The following AGMO variants were observed in gnomAD, a reference collection of about 807,000 sequenced individuals.
The protein encoded by AGMO is glyceryl-ether monooxygenase.
Under a neutral mutation model 60.2 loss-of-function variants are expected in AGMO, and 75 were observed. The ratio of observed to expected loss-of-function variants is 1.25; its 90% confidence interval spans 1.03 to 1.51. The LOEUF is 1.51. AGMO is among the 40% of genes most tolerant of loss of function. The pLI, the probability that AGMO is intolerant of heterozygous loss-of-function variation, is 0.00. For missense variants in AGMO, 763 were observed against 525.5 expected (o/e 1.45, Z -4.42); for synonymous variants, 261 against 177.1 (o/e 1.47, Z -3.76).
chr7:15,393,255 T>A (rs1336802660), intron 6 of AGMO, among the ~76,000 whole-genome samples: 3 of 152,184 alleles, frequency 2.0e-5, no homozygotes, highest in African/African-American at 7.2e-5. Context: ...CTGCCCTTCT[T>A]GGAAAGGCAG....
intron 4 of AGMO, among the ~76,000 whole-genome samples, chr7:15,420,468 C>A (rs1457946325): frequency 6.6e-6 from 1 of 151,930 alleles, no homozygotes; most frequent in Non-Finnish European, 1.5e-5. Context: ...ATATTTCTAA[C>A]AAAAAATATA....
intron 12 of AGMO, among the ~76,000 whole-genome samples, chr7:15,324,314 C>CA (rs1781271847): frequency 6.6e-6 from 1 of 152,146 alleles, no homozygotes; most frequent in Non-Finnish European, 1.5e-5. Context: ...CCTGTCCCCA[C>CA]GTGTTTGTCT....
chr7:15,286,383 AC>A (rs201437177), intron 12 of AGMO, among the ~76,000 whole-genome samples: 10 of 152,140 alleles, frequency 6.6e-5, no homozygotes, highest in African/African-American at 2.2e-4. Context: ...AGGAAAAAAA[AC>A]AAATAATCCC....
At chr7:15,249,300 C>T (rs920551696) in intron 12 of AGMO, among the ~76,000 whole-genome samples, 1 of 151,972 alleles carries the variant, frequency 6.6e-6, no homozygotes, top group African/African-American at 2.4e-5. Context: ...GAAGAAGTAG[C>T]TGACAGAATA....
At chr7:15,229,718 T>TATATATA in intron 12 of AGMO, among the ~76,000 whole-genome samples, 1 of 121,606 alleles carries the variant, frequency 8.2e-6, no homozygotes, top group East Asian at 2.0e-4. Flanking sequence ...ATATATTATA[T>TATATATA]TATATATAAA....
chr7:15,336,553 G>A (rs562384676), intron 12 of AGMO, among the ~76,000 whole-genome samples: 24 of 152,176 alleles, frequency 1.6e-4, no homozygotes, highest in Middle Eastern at 3.4e-3. Flanking sequence ...ACACAATTGC[G>A]TGTTCCTAGC....
Position 15,390,699 on chromosome 7 carries a change from A to G in AGMO, c.794T>C (p.Ile265Thr), listed in dbSNP as rs1431629813. 2 of 1,609,860 alleles carry G rather than the reference A, an allele frequency of 1.2e-6. No individual in the cohort carries two copies. The highest frequency in any genetic ancestry group is 1.7e-5 in the Admixed American group (1 of 59,838). Residue 265 changes from isoleucine (I) to threonine (T), a missense_variant, in exon 8 of 13, where the codon ATT (isoleucine) becomes ACT (threonine). Physicochemically the swap from Ile to Thr is moderately conservative, Grantham distance 89 (BLOSUM62 -1). Coordinates refer to ENST00000342526, the MANE Select transcript of AGMO (RefSeq NM_001004320.2). ...EKVVYGLTHP[I>T]NTFEPIKVQF... ...CACTTTGATTGGTTCAAATGTATTA[A>G]TGGGATGTGTTAAGCCATATACAAC... is the stretch of plus-strand genomic sequence containing the variant.
At chr7:15,186,620 C>T in the AGMO span, among the ~76,000 whole-genome samples, 6 of 152,046 alleles carry the variant, frequency 3.9e-5, no homozygotes, top group South Asian at 2.1e-4. Flanking sequence ...ATTCTAAGAG[C>T]GTGCTATGAA....
At chr7:15,174,783 AT>A in the AGMO span, among the ~76,000 whole-genome samples, 1 of 151,992 alleles carries the variant, frequency 6.6e-6, no homozygotes, top group East Asian at 1.9e-4. Context: ...TTCCAAAAAT[AT>A]TTTTTCTATG....
intron 12 of AGMO, among the ~76,000 whole-genome samples, chr7:15,304,725 T>C (rs2128527948): frequency 6.6e-6 from 1 of 152,218 alleles, no homozygotes; most frequent in Middle Eastern, 3.4e-3. Context: ...TTATAGGATG[T>C]TGTCTGCATG....
the AGMO span, among the ~76,000 whole-genome samples, chr7:15,173,007 T>C: frequency 6.6e-6 from 1 of 152,204 alleles, no homozygotes; most frequent in Non-Finnish European, 1.5e-5. Flanking sequence ...CATATCCTTA[T>C]GACATAAAAT....
At chr7:15,262,464 G>T (rs958110014) in intron 12 of AGMO, among the ~76,000 whole-genome samples, 1 of 151,924 alleles carries the variant, frequency 6.6e-6, no homozygotes, top group African/African-American at 2.4e-5. Flanking sequence ...AGACACTGCT[G>T]AAATAAATCA....
intron 10 of AGMO, among the ~76,000 whole-genome samples, chr7:15,381,248 C>A (rs188376881): frequency 1.3e-5 from 2 of 152,188 alleles, no homozygotes; most frequent in East Asian, 3.9e-4. Context: ...AGACAACCTA[C>A]AGAATGGGAG....
At chr7:15,475,615 G>A (rs924446314) in intron 3 of AGMO, among the ~76,000 whole-genome samples, 5 of 151,752 alleles carry the variant, frequency 3.3e-5, no homozygotes, top group Admixed American at 6.6e-5. Flanking sequence ...GCAGCAAACC[G>A]CCATGGCATG....
chr7:15,153,097 G>C, the AGMO span, among the ~76,000 whole-genome samples: 8 of 151,960 alleles, frequency 5.3e-5, no homozygotes, highest in African/African-American at 1.9e-4. Context: ...GTGATGTTAA[G>C]CATTTTTCCA....
chr7:15,299,220 T>A (rs1007728870), intron 12 of AGMO, among the ~76,000 whole-genome samples: 3 of 151,900 alleles, frequency 2.0e-5, no homozygotes, highest in Non-Finnish European at 4.4e-5. Flanking sequence ...CTCATCTGTA[T>A]AATAAATATA....
chr7:15,259,899 CAAAAAAAAAAAAAAA>C (rs71549927), intron 12 of AGMO, among the ~76,000 whole-genome samples: 1 of 9,398 alleles, frequency 1.1e-4, no homozygotes, highest in Admixed American at 1.9e-3. Flanking sequence ...ACAAGAACTG[CAAAAAAAAAAAAAAA>C]AAAAAAAAAA....
chr7:15,150,732 A>G, the AGMO span, among the ~76,000 whole-genome samples: 11 of 152,154 alleles, frequency 7.2e-5, no homozygotes, highest in East Asian at 1.9e-3. Context: ...TTTTGTGCCT[A>G]TGTTCATCAG....
At chr7:15,330,779 C>A (rs1781474863) in intron 12 of AGMO, among the ~76,000 whole-genome samples, 2 of 152,102 alleles carry the variant, frequency 1.3e-5, no homozygotes, top group South Asian at 4.1e-4. Context: ...TGACTTTGGA[C>A]AATTTACTTA....
Sources: gnomAD v4.1 joint callset for allele counts (sites outside exome capture counted in the v4.1 genomes callset) on GRCh38, gnomAD v4.1.1 for gene constraint, MANE v1.5 for transcripts, NCBI Gene and HGNC (gene_info 2026-07-23, HGNC 2026-07-21) for gene names.